The following TANC2 variants were observed in gnomAD, a reference collection of about 807,000 sequenced individuals.
TANC2 encodes the protein protein TANC2.
Under a neutral mutation model 210.5 loss-of-function variants are expected in TANC2, and 26 were observed. That is an observed-to-expected ratio of 0.12 (90% CI 0.09 to 0.17). The LOEUF (loss-of-function observed/expected upper bound fraction) is 0.17. TANC2 is among the 10% of genes least tolerant of loss of function. TANC2 has a pLI of 1.00. For synonymous variants in TANC2, 931 were observed against 967.1 expected, an observed-to-expected ratio of 0.96 and a Z score of 0.69; for missense variants, 2,129 against 2,608.9, an observed-to-expected ratio of 0.82 and a Z score of 4.01.
intron 2 of TANC2, among the ~76,000 whole-genome samples, chr17:63,037,013 A>G (rs1404691245): frequency 6.6e-6 from 1 of 152,140 alleles, no homozygotes; most frequent in Non-Finnish European, 1.5e-5. Context: ...AGTTTAATTT[A>G]TAAATTACGC....
At chr17:63,055,993 ATATATATATATATAT>A (rs2035787854) in intron 2 of TANC2, among the ~76,000 whole-genome samples, 1 of 13,352 alleles carries the variant, frequency 7.5e-5, no homozygotes, top group African/African-American at 1.6e-4. Context: ...AAAAAAAAAT[ATATATATATATATAT>A]ATATATATAT....
intron 9 of TANC2, among the ~76,000 whole-genome samples, chr17:63,288,368 A>G (rs901635231): frequency 2.0e-5 from 3 of 152,208 alleles, no homozygotes; most frequent in African/African-American, 7.2e-5. Context: ...TAATAATTCC[A>G]TTGTGATCTG....
intron 5 of TANC2, among the ~76,000 whole-genome samples, chr17:63,188,960 C>G (rs2041094793): frequency 2.0e-5 from 3 of 152,000 alleles, no homozygotes; most frequent in Admixed American, 6.6e-5. Context: ...CAGTCCTAGG[C>G]AATGGCTTGT....
intron 13 of TANC2, among the ~76,000 whole-genome samples, chr17:63,353,916 G>A (rs146515912): frequency 2.4e-4 from 36 of 152,248 alleles, no homozygotes; most frequent in African/African-American, 7.5e-4. Flanking sequence ...TCAGTGAGGT[G>A]GTGAGGGTGC....
chr17:63,123,594 A>G (rs2038575259), intron 4 of TANC2, among the ~76,000 whole-genome samples: 1 of 151,034 alleles, frequency 6.6e-6, no homozygotes, highest in Non-Finnish European at 1.5e-5. Context: ...ATGTGTTTTC[A>G]GCACTTTGAA....
intron 5 of TANC2, among the ~76,000 whole-genome samples, chr17:63,173,842 TA>T (rs1357190438): frequency 9.9e-5 from 15 of 152,268 alleles, no homozygotes; most frequent in African/African-American, 2.9e-4. Flanking sequence ...CTTATTCATA[TA>T]AAAAAATTAA....
chr17:63,410,347 C>G (rs988921070), intron 21 of TANC2, among the ~76,000 whole-genome samples: 3 of 145,162 alleles, frequency 2.1e-5, no homozygotes, highest in Non-Finnish European at 4.5e-5. Context: ...TCCCCCCCCC[C>G]CATCTCCTAG....
chr17:62,993,582 G>A (rs1852166345), intron 1 of TANC2, among the ~76,000 whole-genome samples: 1 of 152,070 alleles, frequency 6.6e-6, no homozygotes, highest in South Asian at 2.1e-4. Context: ...TATTGTAAAT[G>A]TATTTTTTAT....
intron 4 of TANC2, among the ~76,000 whole-genome samples, chr17:63,124,228 C>T (rs956597639): frequency 2.0e-5 from 3 of 151,794 alleles, no homozygotes; most frequent in African/African-American, 7.3e-5. Context: ...TCTCTAACTT[C>T]AGTATCTGTT....
intron 4 of TANC2, among the ~76,000 whole-genome samples, chr17:63,130,427 G>A (rs185501884): frequency 2.0e-5 from 3 of 151,614 alleles, no homozygotes; most frequent in Non-Finnish European, 2.9e-5. Context: ...CAGGAGAATC[G>A]CTTGAACCTG....
chr17:63,274,503 A>G (rs1213362116), intron 9 of TANC2, among the ~76,000 whole-genome samples: 1 of 152,170 alleles, frequency 6.6e-6, no homozygotes, highest in Non-Finnish European at 1.5e-5. Flanking sequence ...TTTAACTAAT[A>G]AAGTTTTTAA....
At chr17:63,396,051 T>G in intron 18 of TANC2, 123 bp downstream of exon 18, 1 of 890,284 alleles carries the variant, frequency 1.1e-6, no homozygotes, top group East Asian at 2.7e-5. Flanking sequence ...TGATCGCTGC[T>G]CTGAATAATA....
chr17:63,232,736 G>A (rs985171958), intron 7 of TANC2, among the ~76,000 whole-genome samples: 1 of 152,254 alleles, frequency 6.6e-6, no homozygotes, highest in Non-Finnish European at 1.5e-5. Context: ...TCAGGAGGCA[G>A]GGGATCAGGG....
intron 5 of TANC2, among the ~76,000 whole-genome samples, chr17:63,186,566 T>C (rs951548762): frequency 2.0e-5 from 3 of 152,070 alleles, no homozygotes; most frequent in Non-Finnish European, 4.4e-5. Flanking sequence ...TTGGTCAGGC[T>C]GGTCTCAAAC....
intron 8 of TANC2, among the ~76,000 whole-genome samples, chr17:63,241,996 A>G (rs2042786923): frequency 6.6e-6 from 1 of 152,170 alleles, no homozygotes; most frequent in Non-Finnish European, 1.5e-5. Flanking sequence ...ACAGTGCCTA[A>G]TAGTAAATTG....
At chr17:63,245,369 A>G (rs2042887059) in intron 8 of TANC2, among the ~76,000 whole-genome samples, 1 of 152,202 alleles carries the variant, frequency 6.6e-6, no homozygotes, top group Admixed American at 6.5e-5. Flanking sequence ...CTATACACCA[A>G]AGATTTATAT....
At chr17:63,067,138 T>G (rs559680380) in intron 2 of TANC2, among the ~76,000 whole-genome samples, 1 of 152,308 alleles carries the variant, frequency 6.6e-6, no homozygotes, top group South Asian at 2.1e-4. Flanking sequence ...TGGAGTTTCA[T>G]AACTCAAAAC....
At chr17:63,409,446 A>G (rs1295681183) in intron 21 of TANC2, among the ~76,000 whole-genome samples, 1 of 152,218 alleles carries the variant, frequency 6.6e-6, no homozygotes, top group African/African-American at 2.4e-5. Context: ...TCGGCCTCCA[A>G]AAGTGCTGGG....
At chr17:63,039,083 A>G (rs2035083450) in intron 2 of TANC2, among the ~76,000 whole-genome samples, 1 of 152,206 alleles carries the variant, frequency 6.6e-6, no homozygotes. Flanking sequence ...TGTTGATGAA[A>G]GGTATGGGAG....
Sources: allele counts gnomAD v4.1 joint callset (sites outside exome capture counted in the v4.1 genomes callset), GRCh38; gene constraint gnomAD v4.1.1; transcripts MANE v1.5; gene names NCBI Gene and HGNC (gene_info 2026-07-23, HGNC 2026-07-21).